Variants in OPA1 observed in about 807,000 individuals in gnomAD.
OPA1 encodes OPA1 mitochondrial dynamin like GTPase.
OPA1 carries 59 observed loss-of-function variants against 152.9 expected under a neutral mutation model. The observed-to-expected ratio is 0.39, with a 90% CI of 0.31 to 0.48. The LOEUF is 0.48. Ranked by LOEUF, OPA1 falls within the 20% of genes least tolerant of loss-of-function variation. OPA1 has a pLI of 0.96. For missense variants in OPA1, 1,008 were observed against 1,216.8 expected (o/e 0.83, Z 2.55); for synonymous variants, 400 against 389.9 (o/e 1.03, Z -0.31).
At chr3:193,650,079 G>T (rs1712017065) in intron 21 of OPA1, among the ~76,000 whole-genome samples, 1 of 152,136 alleles carries the variant, frequency 6.6e-6, no homozygotes, top group African/African-American at 2.4e-5. Flanking sequence ...TTAATTTTTG[G>T]TATCATCAAA....
At chr3:193,652,420 G>A (rs1008274654) in intron 21 of OPA1, among the ~76,000 whole-genome samples, 1 of 151,956 alleles carries the variant, frequency 6.6e-6, no homozygotes, top group Non-Finnish European at 1.5e-5. Flanking sequence ...TAGAATATAG[G>A]CTGGGAAAAT....
chr3:193,643,154 A>G (rs960098132), intron 13 of OPA1, 105 bp downstream of exon 13: 8 of 985,918 alleles, frequency 8.1e-6, no homozygotes, highest in Admixed American at 4.0e-5. Flanking sequence ...TGCTATCTAG[A>G]TATGTAGAGC....
At chr3:193,681,586 T>C (rs950704627) in intron 29 of OPA1, among the ~76,000 whole-genome samples, 5 of 152,336 alleles carry the variant, frequency 3.3e-5, no homozygotes, top group East Asian at 3.9e-4. Context: ...TTCACAGTTA[T>C]TGCATTTTTA....
intron 8 of OPA1, among the ~76,000 whole-genome samples, chr3:193,631,948 T>A: frequency 6.6e-6 from 1 of 152,200 alleles, no homozygotes; most frequent in East Asian, 1.9e-4. Context: ...TATGCTTGCA[T>A]TTTTACATTG....
Position 193,631,663 on chromosome 3 carries a change from C to G in OPA1, c.841C>G (p.Gln281Glu), listed in dbSNP as rs1732089499. Residue 281 changes from glutamine (Q) to glutamate (E), a missense_variant and splice_region_variant, in exon 8 of 31, where the codon CAG becomes GAG. Around this residue, in one of 7 missense-constraint regions of OPA1, gnomAD observed 408 missense variants for 395.1 expected, o/e 1.03. Coordinates refer to ENST00000361510, the MANE Select transcript of OPA1 (RefSeq NM_130837.3). Reference protein sequence around the residue: ...DQLQEELLHTQLKYQRILERL... With the variant: ...DQLQEELLHTELKYQRILERL... ...ACTTCAGGAAGAACTTCTGCACACTCAGGTAATCATGATGACTAAGAAAAA... is the reference window on the plus strand; with the variant it reads ...ACTTCAGGAAGAACTTCTGCACACTGAGGTAATCATGATGACTAAGAAAAA... 2 of 1,610,290 alleles carry G rather than the reference C, an allele frequency of 1.2e-6. No individual in the cohort carries two copies. Among genetic ancestry groups the G allele is most frequent in the Non-Finnish European group, 1.7e-6 (2 of 1,177,026 alleles).
chr3:193,678,694 G>A (rs932859042), intron 29 of OPA1, among the ~76,000 whole-genome samples: 5 of 152,084 alleles, frequency 3.3e-5, no homozygotes, highest in African/African-American at 1.2e-4. Context: ...CAAGTATTCT[G>A]GAAGCCATAT....
Position 193,696,877 on chromosome 3 carries a change from C to T in OPA1, c.*2277C>T, listed in dbSNP as rs1258034080. The T allele has an allele frequency of 6.6e-6, 1 of 152,204 alleles. No homozygotes were observed. Among genetic ancestry groups the T allele is most frequent in the Non-Finnish European group, 1.5e-5 (1 of 68,040 alleles). The allele number at this position is 152,204 out of a possible 1,614,324, so 9.4% of individuals were successfully genotyped here. A position where few individuals can be genotyped will look rare whatever the true frequency, so the allele number is the denominator to read the frequency against. Reference sequence around the variant, plus strand: ...CAGTGTACCTAGGCAGTGCACAGCACGAAATAAGTGGCCCTTGCAGCTTCC... The same window carrying T: ...CAGTGTACCTAGGCAGTGCACAGCATGAAATAAGTGGCCCTTGCAGCTTCC... On this transcript the variant is annotated 3_prime_UTR_variant, in exon 31 of 31. Transcript: ENST00000361510.
intron 11 of OPA1, among the ~76,000 whole-genome samples, chr3:193,639,773 G>A (rs1733484498): frequency 6.6e-6 from 1 of 152,250 alleles, no homozygotes; most frequent in African/African-American, 2.4e-5. Flanking sequence ...TGTAGAACCA[G>A]GGAGTCTAGG....
chr3:193,650,332 A>G lies in OPA1; in HGVS notation c.2012+1461A>G, dbSNP rs73888662. The stretch of plus-strand genomic sequence containing the variant: ...ATCATATATGATTCTCTGTGTTTTC[A>G]GACTGTAGAGGCTGAAAAAATGTTA... On this transcript the variant is annotated intron_variant, in intron 21 of 30. Coordinates refer to ENST00000361510, the MANE Select transcript of OPA1 (RefSeq NM_130837.3). Among the ~76,000 whole-genome samples the G allele has an allele frequency of 8.0e-3, 1,223 of 152,288 alleles. 24 individuals carry two copies. Among genetic ancestry groups the G allele is most frequent in the Middle Eastern group, 0.024 (7 of 294 alleles).
intron 6 of OPA1, among the ~76,000 whole-genome samples, chr3:193,622,470 G>T (rs530818088): frequency 6.6e-6 from 1 of 151,882 alleles, no homozygotes; most frequent in African/African-American, 2.4e-5. Flanking sequence ...CTCATGGTCC[G>T]TCCACCTCTG....
At chr3:193,677,291 C>CTTTTTTT (rs752472474) in intron 29 of OPA1, among the ~76,000 whole-genome samples, 15 of 125,434 alleles carry the variant, frequency 1.2e-4, no homozygotes, top group Non-Finnish European at 1.5e-4. Flanking sequence ...TCTTTTACTT[C>CTTTTTTT]TTTTTTTTTT....
intron 25 of OPA1, 120 bp from the exon 26 acceptor site, chr3:193,662,702 T>C (rs1715578423): frequency 1.2e-6 from 1 of 805,788 alleles, no homozygotes; most frequent in South Asian, 1.7e-5. Context: ...TTCTTGTTTG[T>C]TGTGATTAAG....
Position 193,631,637 on chromosome 3 carries a change from A to G in OPA1, c.815A>G (p.Gln272Arg). 1 of 1,612,562 alleles carries G rather than the reference A, an allele frequency of 6.2e-7. No individual in the cohort carries two copies. The highest frequency in any genetic ancestry group is 8.5e-7 in the Non-Finnish European group (1 of 1,178,800). The part of the protein sequence containing the change: ...RKVSDKEKID[Q>R]LQEELLHTQL... The stretch of plus-strand genomic sequence containing the variant: ...GTGTCAGACAAAGAGAAAATTGACC[A>G]ACTTCAGGAAGAACTTCTGCACACT... Residue 272 changes from glutamine to arginine, a missense_variant, in exon 8 of 31, where the codon CAA becomes CGA. This residue lies in a region of OPA1 where 408 missense variants were observed against 395.1 expected (regional missense o/e 1.03). Coordinates refer to ENST00000361510, the MANE Select transcript of OPA1 (RefSeq NM_130837.3).
intron 29 of OPA1, among the ~76,000 whole-genome samples, chr3:193,675,344 A>AAC (rs1718761828): frequency 6.8e-6 from 1 of 147,522 alleles, no homozygotes; most frequent in Non-Finnish European, 1.5e-5. Flanking sequence ...AAAAAAAAAA[A>AAC]AAAAAACACC....
chr3:193,603,014 G>C (rs1448838207), intron 1 of OPA1, among the ~76,000 whole-genome samples: 1 of 152,170 alleles, frequency 6.6e-6, no homozygotes, highest in Non-Finnish European at 1.5e-5. Context: ...TGGTCCATCA[G>C]GTGGTGGAAA....
In OPA1 at chr3:193,604,021, C is replaced by A. The variant is rs556146329; in HGVS notation, c.32+10612C>A. Among the ~76,000 whole-genome samples, 161 of 152,252 alleles carry A rather than the reference C, an allele frequency of 1.1e-3. 1 individual carries two copies. Among genetic ancestry groups the A allele is most frequent in the South Asian group, 2.5e-3 (12 of 4,822 alleles). On this transcript the variant is annotated intron_variant, in intron 1 of 30. Transcript: ENST00000361510. Reference sequence around the variant, plus strand: ...ATGTTAGTCTACTCACTGAAAAATGCTGGGTTTGATTGGAATTTAATAGAC... The same window carrying A: ...ATGTTAGTCTACTCACTGAAAAATGATGGGTTTGATTGGAATTTAATAGAC...
chr3:193,606,265 A>T (rs924024808), intron 1 of OPA1, among the ~76,000 whole-genome samples: 2 of 152,060 alleles, frequency 1.3e-5, no homozygotes, highest in Admixed American at 6.5e-5. Context: ...GTGTGACTTA[A>T]AAAAATTTTT....
At chr3:193,640,745 T>C (rs1418077744) in intron 11 of OPA1, among the ~76,000 whole-genome samples, 2 of 152,134 alleles carry the variant, frequency 1.3e-5, no homozygotes, top group Non-Finnish European at 2.9e-5. Flanking sequence ...TTGTGTTTTG[T>C]TTTTTTCATG....
intron 1 of OPA1, 27 bp from the exon 2 acceptor site, chr3:193,614,695 CT>C (rs1458422544): frequency 6.5e-7 from 1 of 1,540,814 alleles, no homozygotes; most frequent in South Asian, 1.1e-5. Context: ...CCTCTCTGAT[CT>C]TTCTTCCATA....
Sources: allele counts gnomAD v4.1 joint callset (sites outside exome capture counted in the v4.1 genomes callset), GRCh38; gene constraint gnomAD v4.1.1; regional missense constraint gnomAD v4.1.1; transcripts MANE v1.5; gene names NCBI Gene and HGNC (gene_info 2026-07-23, HGNC 2026-07-21).